Variants in TCF7L1 observed in about 807,000 individuals in gnomAD.
The protein encoded by TCF7L1 is transcription factor 7-like 1.
TCF7L1 carries 18 observed loss-of-function variants against 63.7 expected under a neutral mutation model. The observed-to-expected ratio is 0.28, with a 90% confidence interval of 0.20 to 0.42. The LOEUF (loss-of-function observed/expected upper bound fraction) is 0.42, where lower values mean the gene tolerates loss of function less well. Among genes scored for constraint, TCF7L1 ranks in the 10% least tolerant of loss-of-function variants. The pLI, the probability that TCF7L1 is intolerant of heterozygous loss-of-function variation, is 1.00. For missense variants in TCF7L1, 654 were observed against 779.3 expected (o/e 0.84, Z 1.91); for synonymous variants, 355 against 340.9 (o/e 1.04, Z -0.46).
chr2:85,209,779 C>T (rs1679503451), intron 3 of TCF7L1, among the ~76,000 whole-genome samples: 1 of 152,116 alleles, frequency 6.6e-6, no homozygotes, highest in African/African-American at 2.4e-5. Flanking sequence ...AGAAACCCAC[C>T]GAGGCAGCTA....
chr2:85,205,999 C>G (rs1375999422), intron 3 of TCF7L1, among the ~76,000 whole-genome samples: 1 of 152,256 alleles, frequency 6.6e-6, no homozygotes, highest in Non-Finnish European at 1.5e-5. Context: ...TCACCAAGAA[C>G]AGATTGGCAG....
At chr2:85,210,523 A>G (rs898488744) in intron 3 of TCF7L1, among the ~76,000 whole-genome samples, 10 of 152,246 alleles carry the variant, frequency 6.6e-5, no homozygotes, top group Admixed American at 4.6e-4. Flanking sequence ...GGAAAACCCA[A>G]GAGAGTCAAG....
intron 3 of TCF7L1, among the ~76,000 whole-genome samples, chr2:85,135,150 G>A (rs1341466982): frequency 6.6e-6 from 1 of 152,168 alleles, no homozygotes; most frequent in African/African-American, 2.4e-5. Flanking sequence ...GGCATTTAGA[G>A]CGGTGATTAA....
chr2:85,216,631 C>T (rs1679718753), intron 3 of TCF7L1, among the ~76,000 whole-genome samples: 2 of 152,082 alleles, frequency 1.3e-5, no homozygotes, highest in East Asian at 1.9e-4. Flanking sequence ...CAACGTTAGC[C>T]CCTTCCTCCC....
intron 3 of TCF7L1, among the ~76,000 whole-genome samples, chr2:85,198,704 A>G (rs538809323): frequency 6.6e-6 from 1 of 152,278 alleles, no homozygotes; most frequent in Non-Finnish European, 1.5e-5. Context: ...TCCCGTCTCT[A>G]CAAAAAATTA....
At chr2:85,275,783 G>T (rs1681256936) in intron 3 of TCF7L1, among the ~76,000 whole-genome samples, 1 of 152,086 alleles carries the variant, frequency 6.6e-6, no homozygotes, top group Non-Finnish European at 1.5e-5. Context: ...AGCCAGGCAT[G>T]GTGGCACATG....
chr2:85,234,131 C>CTTTTTTTTTTTTTTTTTTTTTTTT (rs35508338), intron 3 of TCF7L1, among the ~76,000 whole-genome samples: 5 of 65,240 alleles, frequency 7.7e-5, no homozygotes, highest in Non-Finnish European at 1.4e-4. Context: ...TTTTTCTTTT[C>CTTTTTTTTTTTTTTTTTTTTTTTT]TTTTTTTTTT....
At chr2:85,188,126 G>A (rs1468433169) in intron 3 of TCF7L1, among the ~76,000 whole-genome samples, 4 of 152,174 alleles carry the variant, frequency 2.6e-5, no homozygotes, top group Non-Finnish European at 5.9e-5. Context: ...AGGTGCTAGG[G>A]ATGAGGGGAA....
At chr2:85,207,711 G>C (rs1002987057) in intron 3 of TCF7L1, among the ~76,000 whole-genome samples, 1 of 151,702 alleles carries the variant, frequency 6.6e-6, no homozygotes. Context: ...ATTTTATGGT[G>C]GTGCAAAAGT....
chr2:85,283,811 A>G (rs1164841598), intron 4 of TCF7L1, among the ~76,000 whole-genome samples: 1 of 152,032 alleles, frequency 6.6e-6, no homozygotes, highest in East Asian at 1.9e-4. Context: ...CCCAACCCCC[A>G]TGGCCCTGGC....
intron 3 of TCF7L1, among the ~76,000 whole-genome samples, chr2:85,195,036 CT>C (rs1679121541): frequency 6.6e-6 from 1 of 152,252 alleles, no homozygotes; most frequent in Non-Finnish European, 1.5e-5. Flanking sequence ...CCCTACAGTC[CT>C]TTTTCGCAGC....
rs1680450866 is a variant in TCF7L1 at position 85,245,822 on chromosome 2, A to C, written c.442-37673A>C. Among the ~76,000 whole-genome samples the C allele has an allele frequency of 2.7e-5, 4 of 149,414 alleles. No homozygotes were observed. In the South Asian group the frequency reaches 8.4e-4, roughly 31 times the overall value. On this transcript the variant is annotated intron_variant, in intron 3 of 11. Transcript: ENST00000282111. ...AGAGCGAGACTCCATCTCAAAAAAA[A>C]ATTAATTAATTAAAAAAAAAAAAAA...
intron 4 of TCF7L1, among the ~76,000 whole-genome samples, chr2:85,293,431 C>T (rs1034436339): frequency 8.5e-5 from 13 of 152,194 alleles, no homozygotes; most frequent in African/African-American, 3.1e-4. Flanking sequence ...CTTCCCTTCA[C>T]CTTTCTCCAT....
At chr2:85,203,802 T>C (rs537216130) in intron 3 of TCF7L1, among the ~76,000 whole-genome samples, 1 of 151,388 alleles carries the variant, frequency 6.6e-6, no homozygotes, top group African/African-American at 2.4e-5. Flanking sequence ...GAAAATAAAT[T>C]CTAAATAGAT....
At chr2:85,168,106 C>T (rs374600836) in intron 3 of TCF7L1, among the ~76,000 whole-genome samples, 4 of 151,948 alleles carry the variant, frequency 2.6e-5, no homozygotes, top group Non-Finnish European at 5.9e-5. Context: ...TCTGCAGCTC[C>T]GCTGTACAAC....
intron 3 of TCF7L1, among the ~76,000 whole-genome samples, chr2:85,256,522 C>T (rs546090466): frequency 1.3e-5 from 2 of 152,212 alleles, no homozygotes; most frequent in Non-Finnish European, 2.9e-5. Flanking sequence ...TCCGGACACA[C>T]AATCAATTAC....
chr2:85,212,836 G>C (rs1679605553), intron 3 of TCF7L1, among the ~76,000 whole-genome samples: 1 of 152,152 alleles, frequency 6.6e-6, no homozygotes, highest in African/African-American at 2.4e-5. Flanking sequence ...CGCTGAGCAG[G>C]CTGTGGGCAA....
chr2:85,211,417 C>T (rs62165582), intron 3 of TCF7L1, among the ~76,000 whole-genome samples: 31,577 of 152,172 alleles, frequency 0.21, 4,092 homozygotes, highest in Non-Finnish European at 0.29. Context: ...TTACCAACCT[C>T]AACAGGTCAT....
chr2:85,295,732 A>T (rs960001245), intron 4 of TCF7L1, among the ~76,000 whole-genome samples: 1 of 151,740 alleles, frequency 6.6e-6, no homozygotes, highest in Non-Finnish European at 1.5e-5. Flanking sequence ...CATTCTCTTA[A>T]ATAATCACAG....
Sources: allele counts gnomAD v4.1 joint callset (sites outside exome capture counted in the v4.1 genomes callset), GRCh38; gene constraint gnomAD v4.1.1; transcripts MANE v1.5; gene names NCBI Gene and HGNC (gene_info 2026-07-23, HGNC 2026-07-21).